Variants in ABCA1 observed in about 807,000 individuals in gnomAD.
The protein encoded by ABCA1 is ATP binding cassette subfamily A member 1.
A neutral mutation model predicts 262.5 loss-of-function variants in ABCA1; 133 were observed. The ratio of observed to expected loss-of-function variants is 0.51; its 90% CI spans 0.44 to 0.59. The LOEUF is 0.59. ABCA1 is among the 20% of genes least tolerant of loss of function. The probability of loss-of-function intolerance (pLI) is 0.00; values close to 1 mark genes in which losing one functional copy is unlikely to be tolerated. For missense variants in ABCA1, 2,452 were observed against 2,777.5 expected, an observed-to-expected ratio of 0.88 and a Z score of 2.63; for synonymous variants, 1,022 against 1,043.5, an observed-to-expected ratio of 0.98 and a Z score of 0.40.
Position 104,802,271 on chromosome 9 carries a change from G to A in ABCA1, c.4593-112C>T. The A allele has an allele frequency of 6.0e-6, 6 of 992,460 alleles. No homozygotes were observed. The South Asian group carries it at 8.0e-5, about 13-fold the overall frequency. 61.5% of individuals were successfully genotyped at this position (992,460 alleles called of 1,614,324 possible). On this transcript the variant is annotated intron_variant, in intron 33 of 49. Transcript: ENST00000374736. ...CACTGAGTCAAATTCCTGTTCAAAG[G>A]AGGGCTAAATTTTGCCTCAGAGAAG...
Position 104,824,562 on chromosome 9 carries a change from G to A in ABCA1, c.2559C>T (p.Pro853=). The A allele has an allele frequency of 6.2e-7, 1 of 1,613,832 alleles. No homozygotes were observed. The highest frequency in any genetic ancestry group is 8.5e-7 in the Non-Finnish European group (1 of 1,180,016). Residue 853 remains proline (P), a synonymous_variant, in exon 18 of 50, where the codon CCC becomes CCT. Transcript: ENST00000374736. The stretch of plus-strand genomic sequence containing the variant: ...TGGTGCAAGGAAAATACCAGGGCCT[G>A]GGAATTCCGTACTGGCCTGAAAGCA... The part of the protein sequence containing the change: ...EAVFPGQYGI[P]RPWYFPCTKS...
intron 49 of ABCA1, 122 bp downstream of exon 49, chr9:104,785,274 T>G (rs375664420): frequency 7.7e-7 from 1 of 1,306,570 alleles, no homozygotes. Flanking sequence ...TAGCTAGGAA[T>G]AGTAGATCAG....
At chr9:104,886,597 C>T (rs1022430045) in intron 3 of ABCA1, among the ~76,000 whole-genome samples, 1 of 152,228 alleles carries the variant, frequency 6.6e-6, no homozygotes, top group Admixed American at 6.5e-5. Flanking sequence ...TGCCAGGAGA[C>T]ACTGGCACTG....
At chr9:104,906,712 C>T (rs1008466697) in intron 1 of ABCA1, among the ~76,000 whole-genome samples, 1 of 141,446 alleles carries the variant, frequency 7.1e-6, no homozygotes, top group Non-Finnish European at 1.5e-5. Context: ...GACATTTCCA[C>T]ATCAGTTTTC....
intron 1 of ABCA1, among the ~76,000 whole-genome samples, chr9:104,905,805 T>C (rs1031683234): frequency 6.6e-6 from 1 of 152,142 alleles, no homozygotes; most frequent in Non-Finnish European, 1.5e-5. Context: ...AGAAGCTACA[T>C]GAATCTCTTG....
At chr9:104,889,243 A>T in intron 2 of ABCA1, 48 bp from the exon 3 acceptor site, 1 of 1,591,136 alleles carries the variant, frequency 6.3e-7, no homozygotes, top group Non-Finnish European at 8.6e-7. Flanking sequence ...AATAATATGG[A>T]TATCCAATGC....
rs755728918 is a variant in ABCA1, at chr9:104,832,644, G to A, written c.1439C>T (p.Ser480Phe). 6.2e-7 allele frequency: 1 copy of A among 1,614,188 alleles called. No individual in the cohort carries two copies. Among genetic ancestry groups the A allele is most frequent in the East Asian group, 2.2e-5 (1 of 44,880 alleles). The part of the protein sequence containing the change: ...HPEDVQSSNG[S>F]VYTWREAFNE... Reference sequence around the variant, plus strand: ...GAAAGCTTCTCTCCAGGTGTACACAGAACCATTACTGGACTGGACATCCTC... The same window carrying A: ...GAAAGCTTCTCTCCAGGTGTACACAAAACCATTACTGGACTGGACATCCTC... The change falls in exon 12 of 50, where the codon TCT (serine) becomes TTT (phenylalanine). Residue 480 changes from serine (S) to phenylalanine (F), a missense_variant. By Grantham distance (155) the Ser-to-Phe change is radical (BLOSUM62 -2). Coordinates refer to ENST00000374736, the MANE Select transcript of ABCA1 (RefSeq NM_005502.4).
chr9:104,905,351 G>C (rs1017552754), intron 1 of ABCA1, among the ~76,000 whole-genome samples: 1 of 152,126 alleles, frequency 6.6e-6, no homozygotes, highest in African/African-American at 2.4e-5. Flanking sequence ...CACCCAACAA[G>C]GACTTGGATT....
intron 3 of ABCA1, among the ~76,000 whole-genome samples, chr9:104,885,918 T>C (rs1724624081): frequency 6.6e-6 from 1 of 152,186 alleles, no homozygotes; most frequent in South Asian, 2.1e-4. Context: ...TCAAACCAAT[T>C]GGAATTCACA....
At chr9:104,834,029 C>T (rs1275538702) in intron 11 of ABCA1, among the ~76,000 whole-genome samples, 2 of 148,158 alleles carry the variant, frequency 1.3e-5, no homozygotes, top group Non-Finnish European at 3.0e-5. Context: ...TTGGAGTCTC[C>T]AAGGGTCTGA....
At chr9:104,801,116 T>TAAAAAAA (rs72121018) in intron 34 of ABCA1, among the ~76,000 whole-genome samples, 5 of 145,482 alleles carry the variant, frequency 3.4e-5, no homozygotes, top group African/African-American at 1.0e-4. Flanking sequence ...CTTGCCAGCT[T>TAAAAAAA]AAAAAAAAAA....
chr9:104,904,784 C>CA, intron 1 of ABCA1, among the ~76,000 whole-genome samples: 1 of 152,260 alleles, frequency 6.6e-6, no homozygotes, highest in East Asian at 1.9e-4. Flanking sequence ...GTGAAACCGA[C>CA]AAACAAGCTC....
chr9:104,842,652 A>G (rs1834484447), intron 8 of ABCA1, among the ~76,000 whole-genome samples: 1 of 152,160 alleles, frequency 6.6e-6, no homozygotes, highest in Non-Finnish European at 1.5e-5. Context: ...CCCACGGATG[A>G]TGGTGGTATT....
chr9:104,895,010 A>G (rs1406555751), intron 2 of ABCA1, among the ~76,000 whole-genome samples: 1 of 152,224 alleles, frequency 6.6e-6, no homozygotes, highest in African/African-American at 2.4e-5. Context: ...GGCTACACTC[A>G]TTAATAAAAT....
At chr9:104,810,608 G>A (rs1261653156) in intron 29 of ABCA1, among the ~76,000 whole-genome samples, 192 bp downstream of exon 29, 1 of 152,194 alleles carries the variant, frequency 6.6e-6, no homozygotes, top group East Asian at 1.9e-4. Context: ...AGGCTCAACA[G>A]AAGACTGGCC....
In ABCA1 at chr9:104,909,382, C is replaced by T. The variant is rs369827463; in HGVS notation, c.-92-5611G>A. ...CAGTGGGTGGTGGTGGTAGGATTGA[C>T]GAAGAAAAATAAAGCAGAGTAAGGG... On this transcript the variant is annotated intron_variant, in intron 1 of 49. Transcript: ENST00000374736. 4.0e-4 allele frequency among the ~76,000 whole-genome samples: 60 copies of T among 151,844 alleles called. No homozygotes were observed. The East Asian group carries it at 8.3e-3, about 21-fold the overall frequency.
intron 1 of ABCA1, among the ~76,000 whole-genome samples, chr9:104,925,330 C>T (rs998425581): frequency 1.7e-4 from 26 of 149,896 alleles, no homozygotes; most frequent in Non-Finnish European, 3.7e-4. Flanking sequence ...TGAGCCATAT[C>T]GTGCCACTGC....
chr9:104,807,905 C>G (rs994421469), intron 30 of ABCA1, among the ~76,000 whole-genome samples: 12 of 145,196 alleles, frequency 8.3e-5, no homozygotes, highest in Non-Finnish European at 9.0e-5. Flanking sequence ...ATATTTTTAA[C>G]TATTTCTTAT....
chr9:104,837,819 T>C (rs1007859960), intron 9 of ABCA1, among the ~76,000 whole-genome samples: 6 of 152,202 alleles, frequency 3.9e-5, no homozygotes, highest in Non-Finnish European at 8.8e-5. Flanking sequence ...GCTTGATAAA[T>C]AATCAGAGCT....
Sources: gnomAD v4.1 joint callset for allele counts (sites outside exome capture counted in the v4.1 genomes callset) on GRCh38, gnomAD v4.1.1 for gene constraint, MANE v1.5 for transcripts, NCBI Gene and HGNC (gene_info 2026-07-23, HGNC 2026-07-21) for gene names.